The following TRDN variants were observed in gnomAD, a reference collection of about 807,000 sequenced individuals.
TRDN encodes the protein triadin in skeletal muscle.
In TRDN, 161 loss-of-function variants were observed where a neutral mutation model predicts 149.7. The observed-to-expected ratio is 1.08, with a 90% CI of 0.95 to 1.23. The LOEUF is 1.23. Among genes scored for constraint, TRDN ranks in the 50% most tolerant of loss-of-function variants. The pLI, the probability that TRDN is intolerant of heterozygous loss-of-function variation, is 0.00. For synonymous variants in TRDN, 294 were observed against 250.5 expected, an observed-to-expected ratio of 1.17 and a Z score of -1.64; for missense variants, 896 against 823.5, an observed-to-expected ratio of 1.09 and a Z score of -1.08.
chr6:123,416,169 C>A (rs954470575), intron 12 of TRDN, among the ~76,000 whole-genome samples: 1 of 152,154 alleles, frequency 6.6e-6, no homozygotes, highest in African/African-American at 2.4e-5. Flanking sequence ...ACAAAACACA[C>A]GAGAAATGTG....
intron 9 of TRDN, among the ~76,000 whole-genome samples, chr6:123,489,163 T>C (rs2153134): frequency 0.18 from 27,871 of 152,016 alleles, 2,750 homozygotes; most frequent in Admixed American, 0.28. Flanking sequence ...ACCATCTTCT[T>C]TGGTCTTTCA....
intron 24 of TRDN, among the ~76,000 whole-genome samples, chr6:123,287,790 AC>A (rs1777853915): frequency 6.6e-6 from 1 of 152,130 alleles, no homozygotes; most frequent in Non-Finnish European, 1.5e-5. Context: ...ATTTTAACAA[AC>A]AAAATCAAAT....
At chr6:123,476,664 A>G (rs1777492040) in intron 9 of TRDN, among the ~76,000 whole-genome samples, 1 of 147,404 alleles carries the variant, frequency 6.8e-6, no homozygotes, top group South Asian at 2.3e-4. Flanking sequence ...AAACTATACT[A>G]CAAGGCTACA....
intron 5 of TRDN, among the ~76,000 whole-genome samples, chr6:123,525,979 A>G (rs1277588405): frequency 1.3e-5 from 2 of 152,070 alleles, no homozygotes; most frequent in African/African-American, 4.8e-5. Context: ...TGATTAAGTC[A>G]AGGATCTTGA....
intron 12 of TRDN, among the ~76,000 whole-genome samples, chr6:123,411,149 C>T (rs974082415): frequency 3.3e-5 from 5 of 150,740 alleles, no homozygotes; most frequent in African/African-American, 7.3e-5. Context: ...TGGGTTCAAG[C>T]GATTATCCAA....
rs567156654 is a variant in TRDN, at chr6:123,349,803, C to A, written c.1369+2736G>T. 2.5e-5 allele frequency: 25 copies of A among 984,856 alleles called. No homozygotes were observed. In the Admixed American group the frequency reaches 6.2e-4, roughly 24 times the overall value. 61.0% of individuals were successfully genotyped at this position (984,856 alleles called of 1,614,324 possible). Reference sequence around the variant, plus strand: ...TACACATCACAGATTTTAAAAAGACCAGTGCATACACAAAGAAGAGAAGAA... The same window carrying A: ...TACACATCACAGATTTTAAAAAGACAAGTGCATACACAAAGAAGAGAAGAA... On this transcript the variant is annotated intron_variant, in intron 21 of 40. Coordinates refer to ENST00000334268, the MANE Select transcript of TRDN (RefSeq NM_006073.4).
At chr6:123,446,412 G>A (rs1207196320) in intron 10 of TRDN, among the ~76,000 whole-genome samples, 6 of 151,370 alleles carry the variant, frequency 4.0e-5, no homozygotes, top group South Asian at 2.1e-4. Flanking sequence ...ATAAATAAAT[G>A]AATTACCTAA....
At chr6:123,442,935 AC>A (rs1775011559) in intron 10 of TRDN, among the ~76,000 whole-genome samples, 2 of 152,174 alleles carry the variant, frequency 1.3e-5, no homozygotes, top group African/African-American at 4.8e-5. Flanking sequence ...AGTAGTCATT[AC>A]CTTATGCAAC....
chr6:123,257,811 G>A (rs2114582674), intron 35 of TRDN, among the ~76,000 whole-genome samples: 1 of 152,172 alleles, frequency 6.6e-6, no homozygotes, highest in Non-Finnish European at 1.5e-5. Context: ...TTATTTCCTT[G>A]AGCAGTGGTT....
intron 1 of TRDN, among the ~76,000 whole-genome samples, chr6:123,577,239 C>A (rs903871369): frequency 6.6e-6 from 1 of 151,942 alleles, no homozygotes; most frequent in Non-Finnish European, 1.5e-5. Flanking sequence ...TATTTCATCA[C>A]CCCAGTACTA....
intron 21 of TRDN, among the ~76,000 whole-genome samples, chr6:123,340,166 A>T (rs544475091): frequency 1.3e-5 from 2 of 152,242 alleles, no homozygotes; most frequent in South Asian, 4.1e-4. Context: ...TCTTTGAAAA[A>T]AGAGGCTCAT....
At chr6:123,350,806 C>T in intron 21 of TRDN, 1 of 982,212 alleles carries the variant, frequency 1.0e-6, no homozygotes, top group Non-Finnish European at 1.2e-6. Flanking sequence ...TTGAAAGAAC[C>T]TCATTTTTTT....
rs12662120 is a variant in TRDN, at chr6:123,585,446, T to C, written c.23-14314A>G. 4.3e-3 allele frequency among the ~76,000 whole-genome samples: 654 copies of C among 151,976 alleles called. 7 individuals are homozygous for C. Among genetic ancestry groups the C allele is most frequent in the East Asian group, 0.02 (101 of 5,126 alleles). ...GAAGGTAATGTGGAGTGAGTAGCCT[T>C]GGTATTGATTAAGATGGGGACAGAC... On this transcript the variant is annotated intron_variant, in intron 1 of 40. Coordinates refer to ENST00000334268, the MANE Select transcript of TRDN (RefSeq NM_006073.4).
intron 9 of TRDN, among the ~76,000 whole-genome samples, chr6:123,483,149 C>T (rs1777835548): frequency 6.7e-6 from 1 of 150,240 alleles, no homozygotes; most frequent in Non-Finnish European, 1.5e-5. Flanking sequence ...GTCGCCCAGA[C>T]TGGAGTGAAG....
At chr6:123,579,704 C>T (rs1276624001) in intron 1 of TRDN, among the ~76,000 whole-genome samples, 1 of 152,038 alleles carries the variant, frequency 6.6e-6, no homozygotes, top group African/African-American at 2.4e-5. Flanking sequence ...GGCTCAATGT[C>T]CCTACCCAAA....
At chr6:123,393,802 T>C (rs1185495618) in intron 12 of TRDN, 125 bp from the exon 13 acceptor site, 1 of 864,838 alleles carries the variant, frequency 1.2e-6, no homozygotes, top group Non-Finnish European at 1.8e-6. Flanking sequence ...ACGAAGAATT[T>C]TTGTTAAGAC....
chr6:123,357,432 T>C (rs1780726856), intron 20 of TRDN, among the ~76,000 whole-genome samples: 1 of 152,184 alleles, frequency 6.6e-6, no homozygotes, highest in African/African-American at 2.4e-5. Context: ...CTAGAGGAAG[T>C]GTAGTTTGAG....
intron 1 of TRDN, among the ~76,000 whole-genome samples, chr6:123,594,685 C>T (rs1015014926): frequency 6.6e-6 from 1 of 151,898 alleles, no homozygotes; most frequent in Non-Finnish European, 1.5e-5. Context: ...CCACTACCCT[C>T]AGAACCTAAA....
chr6:123,403,246 T>G (rs1773055775), intron 12 of TRDN, among the ~76,000 whole-genome samples: 1 of 151,966 alleles, frequency 6.6e-6, no homozygotes, highest in African/African-American at 2.4e-5. Context: ...TAAAAAGAAA[T>G]AAAATTTTAT....
Sources: allele counts gnomAD v4.1 joint callset (sites outside exome capture counted in the v4.1 genomes callset), GRCh38; gene constraint gnomAD v4.1.1; transcripts MANE v1.5; gene names NCBI Gene and HGNC (gene_info 2026-07-23, HGNC 2026-07-21).